Variants in NRG1 observed in about 807,000 individuals in gnomAD.
NRG1 encodes neuregulin 1, also known as pro-neuregulin-1, membrane-bound isoform.
NRG1 carries 18 observed loss-of-function variants against 63.8 expected under a neutral mutation model. That is an observed-to-expected ratio of 0.28 (90% CI 0.19 to 0.42). The LOEUF is 0.42. Among genes scored for constraint, NRG1 ranks in the 10% least tolerant of loss-of-function variants. The probability of loss-of-function intolerance (pLI) is 1.00; values close to 1 mark genes in which losing one functional copy is unlikely to be tolerated. For missense variants in NRG1, 762 were observed against 814.7 expected, an observed-to-expected ratio of 0.94 and a Z score of 0.79; for synonymous variants, 302 against 301.3, an observed-to-expected ratio of 1.00 and a Z score of -0.02.
chr8:32,009,034 G>A (rs1248453254), intron 1 of NRG1, among the ~76,000 whole-genome samples: 3 of 152,068 alleles, frequency 2.0e-5, no homozygotes, highest in Non-Finnish European at 4.4e-5. Context: ...ACCTGTTGAT[G>A]ACTTCCAGGT....
At chr8:32,351,379 T>C (rs1805581064) in intron 1 of NRG1, among the ~76,000 whole-genome samples, 1 of 152,206 alleles carries the variant, frequency 6.6e-6, no homozygotes, top group Non-Finnish European at 1.5e-5. Flanking sequence ...TGCCATTTTA[T>C]GGAAAGAGGA....
chr8:32,561,596 T>C (rs1352255991), intron 1 of NRG1, among the ~76,000 whole-genome samples: 1 of 152,228 alleles, frequency 6.6e-6, no homozygotes, highest in African/African-American at 2.4e-5. Context: ...GGGCTCTCTG[T>C]AAATTATGTG....
intron 1 of NRG1, among the ~76,000 whole-genome samples, chr8:32,264,641 A>G (rs1417915194): frequency 6.6e-6 from 1 of 152,230 alleles, no homozygotes; most frequent in Non-Finnish European, 1.5e-5. Flanking sequence ...AACAGAAACC[A>G]TAAGCTGAAT....
chr8:32,209,116 A>C (rs567397820), intron 1 of NRG1, among the ~76,000 whole-genome samples: 2 of 152,170 alleles, frequency 1.3e-5, no homozygotes, highest in Non-Finnish European at 2.9e-5. Context: ...TCTGAAATAT[A>C]AGGATAATAA....
chr8:32,050,953 T>C lies in NRG1; in HGVS notation c.37+411522T>C, dbSNP rs117493090. On this transcript the variant is annotated intron_variant, in intron 1 of 10. Coordinates refer to the NRG1 transcript ENST00000519301. Reference sequence around the variant, plus strand: ...ATGATTTATAACACAGAGAAAATATTACAGATCAGAAAATGAAAAAGCCAA... The same window carrying C: ...ATGATTTATAACACAGAGAAAATATCACAGATCAGAAAATGAAAAAGCCAA... 9.5e-3 allele frequency among the ~76,000 whole-genome samples: 1,451 copies of C among 152,210 alleles called. 4 individuals are homozygous for C. Among genetic ancestry groups the C allele is most frequent in the Non-Finnish European group, 0.015 (988 of 68,020 alleles).
chr8:32,030,977 C>G (rs536868122), intron 1 of NRG1, among the ~76,000 whole-genome samples: 1 of 152,130 alleles, frequency 6.6e-6, no homozygotes, highest in African/African-American at 2.4e-5. Context: ...CTGGTAGGAT[C>G]AGTTATTTTG....
intron 1 of NRG1, among the ~76,000 whole-genome samples, chr8:32,417,068 GT>G (rs1816024539): frequency 6.6e-6 from 1 of 152,108 alleles, no homozygotes; most frequent in Non-Finnish European, 1.5e-5. Flanking sequence ...TCTGCCTCCA[GT>G]TAAGGTAAAA....
intron 1 of NRG1, among the ~76,000 whole-genome samples, chr8:31,869,373 T>C (rs1203231951): frequency 6.6e-6 from 1 of 152,176 alleles, no homozygotes; most frequent in Non-Finnish European, 1.5e-5. Flanking sequence ...CACTTGACCA[T>C]GCAGCCACAC....
Position 32,388,655 on chromosome 8 carries a change from GTT to G in NRG1, c.38-207163_38-207162del, listed in dbSNP as rs10706604. Among the ~76,000 whole-genome samples, 981 of 149,182 alleles carry G rather than the reference GTT, an allele frequency of 6.6e-3. 11 individuals are homozygous for G. The highest frequency in any genetic ancestry group is 0.012 in the African/African-American group (497 of 40,846). On this transcript the variant is annotated intron_variant, in intron 1 of 10. Coordinates refer to the NRG1 transcript ENST00000519301. The stretch of plus-strand genomic sequence containing the variant: ...CCATTTGGTTACTGATTACAAGACG[GTT>G]TTTTTTTTTCGTCTCAAAAAATGCT...
At chr8:31,805,415 GAAAA>G (rs1301343261) in intron 1 of NRG1, among the ~76,000 whole-genome samples, 1 of 152,072 alleles carries the variant, frequency 6.6e-6, no homozygotes, top group East Asian at 1.9e-4. Context: ...TACCTCTCAT[GAAAA>G]TAGAGTAGAT....
chr8:32,638,352 G>T (rs193181989), intron 5 of NRG1, among the ~76,000 whole-genome samples: 227 of 152,256 alleles, frequency 1.5e-3, no homozygotes, highest in African/African-American at 5.2e-3. Context: ...GGTAAGGCCT[G>T]TTGCAGCTCC....
intron 1 of NRG1, among the ~76,000 whole-genome samples, chr8:32,353,940 G>A (rs917544776): frequency 3.9e-5 from 6 of 152,134 alleles, no homozygotes; most frequent in Non-Finnish European, 7.3e-5. Context: ...GCAGGTGAGC[G>A]GATAAACAAA....
chr8:32,755,414 A>G (rs1829495187), intron 8 of NRG1, among the ~76,000 whole-genome samples: 2 of 152,216 alleles, frequency 1.3e-5, no homozygotes, highest in Non-Finnish European at 2.9e-5. Flanking sequence ...TTATGCCACA[A>G]AATCCAAAGC....
chr8:31,834,576 T>C (rs1169248768), intron 1 of NRG1, among the ~76,000 whole-genome samples: 1 of 152,078 alleles, frequency 6.6e-6, no homozygotes, highest in East Asian at 1.9e-4. Flanking sequence ...CTGGATATGG[T>C]GGTGTATGCC....
At chr8:32,568,576 G>T (rs1837907731) in intron 1 of NRG1, among the ~76,000 whole-genome samples, 1 of 152,094 alleles carries the variant, frequency 6.6e-6, no homozygotes, top group Admixed American at 6.6e-5. Context: ...ACATCACCTG[G>T]AAACTCGTGG....
chr8:31,668,563 A>C (rs1040054888), intron 1 of NRG1, among the ~76,000 whole-genome samples: 4 of 152,182 alleles, frequency 2.6e-5, no homozygotes, highest in African/African-American at 7.2e-5. Flanking sequence ...TGTGTCCCCA[A>C]ACCAAAACAG....
intron 5 of NRG1, among the ~76,000 whole-genome samples, chr8:32,618,056 A>G (rs962345368): frequency 2.6e-5 from 4 of 152,134 alleles, no homozygotes; most frequent in East Asian, 1.9e-4. Context: ...TTAGTTTCCT[A>G]TGTGTTCCAA....
chr8:31,934,432 T>C (rs1229158225), intron 1 of NRG1, among the ~76,000 whole-genome samples: 2 of 147,286 alleles, frequency 1.4e-5, no homozygotes, highest in East Asian at 3.9e-4. Flanking sequence ...TTTTTTTTTT[T>C]TTTTTTTTTT....
In NRG1 at chr8:32,486,627, A is replaced by AT. The variant is rs1554557143; in HGVS notation, c.38-109186dup. Among the ~76,000 whole-genome samples, 1,329 of 145,540 alleles carry AT rather than the reference A, an allele frequency of 9.1e-3. 20 individuals carry two copies. The highest frequency in any genetic ancestry group is 0.028 in the African/African-American group (1,084 of 38,934). On this transcript the variant is annotated intron_variant, in intron 1 of 10. Coordinates refer to the NRG1 transcript ENST00000519301. ...CCTCAAGAGGCTACAGAATTGCTGG[A>AT]TTTTTTTTTTTTTTTGGAATGGAGT...
Sources: gnomAD v4.1 joint callset for allele counts (sites outside exome capture counted in the v4.1 genomes callset) on GRCh38, gnomAD v4.1.1 for gene constraint, MANE v1.5 for transcripts, NCBI Gene and HGNC (gene_info 2026-07-23, HGNC 2026-07-21) for gene names.